COMMD1: variants seen among roughly 807,000 people sequenced by gnomAD.
COMMD1 encodes COMM domain-containing protein 1.
In COMMD1, 10 loss-of-function variants were observed where a neutral mutation model predicts 17.2. The ratio of observed to expected loss-of-function variants is 0.58; its 90% CI spans 0.36 to 0.99. The LOEUF (loss-of-function observed/expected upper bound fraction) is 0.99, where lower values mean the gene tolerates loss of function less well. COMMD1 is among the 50% of genes least tolerant of loss of function. The probability of loss-of-function intolerance (pLI) is 0.01; values close to 1 mark genes in which losing one functional copy is unlikely to be tolerated. For synonymous variants in COMMD1, 97 were observed against 91.6 expected (o/e 1.06, Z -0.34); for missense variants, 270 against 231.8 (o/e 1.17, Z -1.07).
chr2:62,114,900 T>G lies in COMMD1; in HGVS notation c.463-20931T>G, dbSNP rs564990761. Among the ~76,000 whole-genome samples, 10 of 152,334 alleles carry G rather than the reference T, an allele frequency of 6.6e-5. 1 individual carries two copies. The highest frequency in any genetic ancestry group is 2.4e-4 in the African/African-American group (10 of 41,578). On this transcript the variant is annotated intron_variant, in intron 2 of 2. Coordinates refer to ENST00000311832, the MANE Select transcript of COMMD1 (RefSeq NM_152516.4). ...GATTTCAGGCTGGCAGCGAGGTTCC[T>G]TGGTCAGACTAGATTGCTAGGGGTG...
intron 2 of COMMD1, among the ~76,000 whole-genome samples, chr2:62,056,052 C>T (rs1042471711): frequency 2.6e-5 from 4 of 152,262 alleles, no homozygotes; most frequent in East Asian, 1.9e-4. Flanking sequence ...ATCAGGAAAA[C>T]GGAATTGGTC....
intron 1 of COMMD1, among the ~76,000 whole-genome samples, chr2:61,895,865 C>T (rs1669538878): frequency 6.6e-6 from 1 of 152,114 alleles, no homozygotes; most frequent in South Asian, 2.1e-4. Flanking sequence ...CAACACCAGC[C>T]CTACTGACCA....
chr2:61,954,662 A>C (rs1350036159), intron 1 of COMMD1, among the ~76,000 whole-genome samples: 2 of 151,570 alleles, frequency 1.3e-5, no homozygotes, highest in African/African-American at 2.4e-5. Flanking sequence ...AGGCTAAACC[A>C]TTATGCTTCA....
chr2:62,069,853 G>A lies in COMMD1; in HGVS notation c.463-65978G>A, dbSNP rs187637650. 3.3e-5 allele frequency: 5 copies of A among 152,266 alleles called. No homozygotes were observed. The East Asian group carries it at 7.7e-4, about 23-fold the overall frequency. The allele number at this position is 152,266 out of a possible 1,614,324, so 9.4% of individuals were successfully genotyped here. A position where few individuals can be genotyped will look rare whatever the true frequency, so the allele number is the denominator to read the frequency against. ...ACTATAAGCTAAATTGTTGGCTCTCGATTATTCTTGAGATTGAAAATCTTT... is the reference window on the plus strand; with the variant it reads ...ACTATAAGCTAAATTGTTGGCTCTCAATTATTCTTGAGATTGAAAATCTTT... On this transcript the variant is annotated intron_variant, in intron 2 of 2. Coordinates refer to ENST00000311832, the MANE Select transcript of COMMD1 (RefSeq NM_152516.4).
In COMMD1 at chr2:61,888,761, G is replaced by C. The variant is rs577340472; in HGVS notation, n.38G>C. 5.0e-5 allele frequency: 26 copies of C among 518,498 alleles called. 1 individual carries two copies. The South Asian group carries it at 6.0e-4, about 12-fold the overall frequency. 32.1% of individuals were successfully genotyped at this position (518,498 alleles called of 1,614,324 possible). ...GGGCTCCGGGCTGGCGAGATTGTAC[G>C]CCCGGGGCGCTGTGGGTGAAGAGCG... On this transcript the variant is annotated non_coding_transcript_exon_variant, in exon 1 of 3. Coordinates refer to the COMMD1 transcript ENST00000472729.
chr2:62,042,677 C>T lies in COMMD1; in HGVS notation c.462+41695C>T, dbSNP rs193224044. The stretch of plus-strand genomic sequence containing the variant: ...AGCCCCGGCGACGGGCTGAAGGGCT[C>T]CTCGAGCGCAGCCAGAGCGGATGCC... On this transcript the variant is annotated intron_variant, in intron 2 of 2. Coordinates refer to ENST00000311832, the MANE Select transcript of COMMD1 (RefSeq NM_152516.4). 7.4e-3 allele frequency among the ~76,000 whole-genome samples: 1,124 copies of T among 152,346 alleles called. 14 individuals carry two copies. The highest frequency in any genetic ancestry group is 0.024 in the African/African-American group (1,017 of 41,588).
intron 1 of COMMD1, among the ~76,000 whole-genome samples, chr2:61,944,517 GACA>G (rs1228729609): frequency 6.6e-6 from 1 of 151,986 alleles, no homozygotes; most frequent in Non-Finnish European, 1.5e-5. Flanking sequence ...TAGGATCCTA[GACA>G]ACAACTTCCT....
At chr2:61,914,114 G>C (rs962873852) in intron 1 of COMMD1, among the ~76,000 whole-genome samples, 12 of 152,006 alleles carry the variant, frequency 7.9e-5, no homozygotes. Flanking sequence ...GGAGCTTGCA[G>C]TGAGCGGAGA....
chr2:61,978,065 G>A (rs1671853724), intron 1 of COMMD1, among the ~76,000 whole-genome samples: 3 of 150,928 alleles, frequency 2.0e-5, no homozygotes, highest in African/African-American at 7.3e-5. Context: ...AGAGGCTGAC[G>A]CAGGAGGATC....
intron 1 of COMMD1, among the ~76,000 whole-genome samples, chr2:61,898,683 A>G (rs1462735763): frequency 6.6e-6 from 1 of 152,058 alleles, no homozygotes; most frequent in East Asian, 1.9e-4. Flanking sequence ...AACACCTATT[A>G]CTTGCCTGGG....
chr2:62,112,774 C>A (rs1672489963), intron 2 of COMMD1, among the ~76,000 whole-genome samples: 1 of 152,158 alleles, frequency 6.6e-6, no homozygotes, highest in Admixed American at 6.5e-5. Flanking sequence ...ATATCTAAAC[C>A]TGTATAGTCA....
intron 1 of COMMD1, among the ~76,000 whole-genome samples, chr2:61,927,778 G>A (rs1197586306): frequency 1.3e-5 from 2 of 150,394 alleles, no homozygotes; most frequent in East Asian, 2.0e-4. Flanking sequence ...CCTTCTGAAG[G>A]TTTTGTTTTG....
At chr2:62,113,347 G>A (rs373334203) in intron 2 of COMMD1, among the ~76,000 whole-genome samples, 35 of 152,060 alleles carry the variant, frequency 2.3e-4, no homozygotes, top group African/African-American at 7.0e-4. Flanking sequence ...GCAAGACACC[G>A]TCTCAAAAAA....
chr2:61,947,517 C>T lies in COMMD1; in HGVS notation c.180+41659C>T, dbSNP rs1034742651. ...TGGCCAACATGGTGAAACCCTGTCTCTACTAAAAATAAAAAATTAGCCTGG... is the reference window on the plus strand; with the variant it reads ...TGGCCAACATGGTGAAACCCTGTCTTTACTAAAAATAAAAAATTAGCCTGG... On this transcript the variant is annotated intron_variant, in intron 1 of 2. Coordinates refer to ENST00000311832, the MANE Select transcript of COMMD1 (RefSeq NM_152516.4). Among the ~76,000 whole-genome samples the T allele has an allele frequency of 2.6e-5, 4 of 151,890 alleles. No homozygotes were observed. The South Asian group carries it at 6.2e-4, about 24-fold the overall frequency.
intron 2 of COMMD1, among the ~76,000 whole-genome samples, chr2:62,086,731 G>C (rs756688533): frequency 9.2e-5 from 14 of 152,150 alleles, no homozygotes; most frequent in Non-Finnish European, 1.8e-4. Flanking sequence ...CCCAGAACTA[G>C]ACAGTGAACC....
At chr2:61,956,807 G>C (rs1671209775) in intron 1 of COMMD1, among the ~76,000 whole-genome samples, 1 of 152,132 alleles carries the variant, frequency 6.6e-6, no homozygotes, top group African/African-American at 2.4e-5. Context: ...CTGGTATGCA[G>C]TGGTGCGATA....
At chr2:61,922,562 C>T (rs1438507643) in intron 1 of COMMD1, among the ~76,000 whole-genome samples, 13 of 152,130 alleles carry the variant, frequency 8.5e-5, no homozygotes, top group South Asian at 4.2e-4. Context: ...GTGATCCACC[C>T]GCCTCGGCCT....
chr2:62,035,892 A>C (rs1670024820), intron 2 of COMMD1, among the ~76,000 whole-genome samples: 1 of 151,980 alleles, frequency 6.6e-6, no homozygotes, highest in African/African-American at 2.4e-5. Context: ...TCTCTAAAAA[A>C]AAATACAAAA....
intron 1 of COMMD1, among the ~76,000 whole-genome samples, chr2:61,927,416 G>T (rs1228509148): frequency 6.6e-6 from 1 of 151,916 alleles, no homozygotes; most frequent in Non-Finnish European, 1.5e-5. Context: ...TTTTTTAGAT[G>T]GAGTCTCACT....
Sources: allele counts gnomAD v4.1 joint callset (sites outside exome capture counted in the v4.1 genomes callset), GRCh38; gene constraint gnomAD v4.1.1; transcripts MANE v1.5; gene names NCBI Gene and HGNC (gene_info 2026-07-23, HGNC 2026-07-21).